The following PAFAH1B2 variants were observed in gnomAD, a reference collection of about 807,000 sequenced individuals.
PAFAH1B2 encodes platelet activating factor acetylhydrolase 1b catalytic subunit 2.
A neutral mutation model predicts 28.0 loss-of-function variants in PAFAH1B2; 8 were observed. That is an observed-to-expected ratio of 0.29 (90% CI 0.17 to 0.52). The LOEUF (loss-of-function observed/expected upper bound fraction) is 0.52, where lower values mean the gene tolerates loss of function less well. Ranked by LOEUF, PAFAH1B2 falls within the 20% of genes least tolerant of loss-of-function variation. The pLI, the probability that PAFAH1B2 is intolerant of heterozygous loss-of-function variation, is 0.97. For synonymous variants in PAFAH1B2, 104 were observed against 103.2 expected (o/e 1.01, Z -0.05); for missense variants, 190 against 282.6 (o/e 0.67, Z 2.35).
intron 2 of PAFAH1B2, among the ~76,000 whole-genome samples, chr11:117,156,418 G>A (rs1178444878): frequency 1.3e-5 from 2 of 152,178 alleles, no homozygotes; most frequent in East Asian, 3.8e-4. Context: ...GGACTGGAAA[G>A]TAGGTAAGCT....
intron 5 of PAFAH1B2, among the ~76,000 whole-genome samples, chr11:117,165,043 C>A (rs770972928): frequency 6.8e-6 from 1 of 146,638 alleles, no homozygotes; most frequent in Non-Finnish European, 1.5e-5. Context: ...GCAAGCTCGG[C>A]CTCCCAGGTT....
Position 117,169,090 on chromosome 11 carries a change from C to T in PAFAH1B2, c.*1391C>T, listed in dbSNP as rs2134221693. On this transcript the variant is annotated 3_prime_UTR_variant, in exon 6 of 6. Coordinates refer to ENST00000527958, the MANE Select transcript of PAFAH1B2 (RefSeq NM_002572.4). ...ACAGGCATGAGCCACCGTGCCTGGC[C>T]TTATTGGCTTAGTTTTTAAATTATC... 1 of 1,017,338 alleles carries T rather than the reference C, an allele frequency of 9.8e-7. No homozygotes were observed. The highest frequency in any genetic ancestry group is 1.2e-6 in the Non-Finnish European group (1 of 848,250). The allele number at this position is 1,017,338 out of a possible 1,614,324, so 63.0% of individuals were successfully genotyped here.
At chr11:117,175,755 G>A, downstream of PAFAH1B2, 2 of 1,065,964 alleles carry the variant, frequency 1.9e-6, no homozygotes, top group African/African-American at 1.6e-5. Context: ...ACAGGCGTAG[G>A]GTCACATCTT....
chr11:117,155,964 G>C (rs1400188789), intron 2 of PAFAH1B2, among the ~76,000 whole-genome samples: 1 of 152,128 alleles, frequency 6.6e-6, no homozygotes, highest in Non-Finnish European at 1.5e-5. Flanking sequence ...GCTGAGGCCA[G>C]TAGATTGTTT....
At chr11:117,146,339 C>T (rs1413242276) in intron 1 of PAFAH1B2, among the ~76,000 whole-genome samples, 1 of 151,918 alleles carries the variant, frequency 6.6e-6, no homozygotes, top group Non-Finnish European at 1.5e-5. Context: ...GTGATCCACC[C>T]GCCTCGGCCT....
chr11:117,145,574 G>T (rs191305464), intron 1 of PAFAH1B2, among the ~76,000 whole-genome samples: 2 of 152,184 alleles, frequency 1.3e-5, no homozygotes, highest in Non-Finnish European at 2.9e-5. Flanking sequence ...GCCTCCTTGT[G>T]GGGGAGAAGG....
intron 1 of PAFAH1B2, among the ~76,000 whole-genome samples, chr11:117,151,837 G>T (rs1437181662): frequency 1.3e-5 from 2 of 152,026 alleles, no homozygotes; most frequent in Admixed American, 6.6e-5. Flanking sequence ...CTCCCAAGTA[G>T]CTGGGACTAC....
intron 1 of PAFAH1B2, among the ~76,000 whole-genome samples, chr11:117,144,816 G>A (rs182737149): frequency 1.5e-3 from 224 of 151,948 alleles, no homozygotes; most frequent in African/African-American, 4.4e-3. Flanking sequence ...CGCCCCGGCT[G>A]GGCGCTGCAG....
downstream of PAFAH1B2, among the ~76,000 whole-genome samples, chr11:117,172,869 A>G (rs564473661): frequency 6.6e-6 from 1 of 152,142 alleles, no homozygotes; most frequent in Non-Finnish European, 1.5e-5. Context: ...ACGCCTGGCT[A>G]GTTTTTGTGT....
chr11:117,172,381 TATATATA>T (rs1956680718), downstream of PAFAH1B2, among the ~76,000 whole-genome samples: 6 of 5,460 alleles, frequency 1.1e-3, no homozygotes, highest in Admixed American at 7.4e-3. Flanking sequence ...TATATATATA[TATATATA>T]TATATATATA....
At chr11:117,164,057 A>T (rs1448330629) in intron 5 of PAFAH1B2, 165 bp downstream of exon 5, 7 of 652,964 alleles carry the variant, frequency 1.1e-5, no homozygotes, top group Non-Finnish European at 1.8e-5. Flanking sequence ...TACTGGTTTC[A>T]TCATTCCCCA....
chr11:117,169,375 A>G lies in PAFAH1B2; in HGVS notation c.*1676A>G, dbSNP rs73578684. ...CAAACTGGATCTATAGATATTTTGA[A>G]CTGGACCAGGTGGGTATTGAAGTAA... On this transcript the variant is annotated 3_prime_UTR_variant, in exon 6 of 6. Coordinates refer to ENST00000527958, the MANE Select transcript of PAFAH1B2 (RefSeq NM_002572.4). 4,392 of 1,051,318 alleles carry G rather than the reference A, an allele frequency of 4.2e-3. 140 individuals are homozygous for G. The African/African-American group carries it at 0.065, about 15-fold the overall frequency. 65.1% of individuals were successfully genotyped at this position (1,051,318 alleles called of 1,614,324 possible).
intron 1 of PAFAH1B2, among the ~76,000 whole-genome samples, chr11:117,148,700 A>G (rs10466591): frequency 0.015 from 2,268 of 152,172 alleles, 56 homozygotes; most frequent in African/African-American, 0.052. Flanking sequence ...AGGCAGGAGG[A>G]TCACTTAAGC....
At chr11:117,165,279 G>A (rs1278922062) in intron 5 of PAFAH1B2, among the ~76,000 whole-genome samples, 2 of 150,466 alleles carry the variant, frequency 1.3e-5, no homozygotes, top group Non-Finnish European at 2.9e-5. Flanking sequence ...AAACCTGGGA[G>A]GTGGAGGTTG....
At chr11:117,159,052 A>T (rs1346583702) in intron 2 of PAFAH1B2, among the ~76,000 whole-genome samples, 9 of 152,238 alleles carry the variant, frequency 5.9e-5, no homozygotes, top group Non-Finnish European at 1.2e-4. Context: ...ATGCACACAT[A>T]CATAGAAACA....
downstream of PAFAH1B2, chr11:117,174,955 G>T (rs1261505448): frequency 2.6e-6 from 4 of 1,511,356 alleles, no homozygotes; most frequent in Non-Finnish European, 3.5e-6. Flanking sequence ...GCCACCTGAA[G>T]CTTCCTCCCT....
chr11:117,158,144 GTAAAA>G (rs1329587209), intron 2 of PAFAH1B2, among the ~76,000 whole-genome samples: 1 of 152,090 alleles, frequency 6.6e-6, no homozygotes, highest in Non-Finnish European at 1.5e-5. Flanking sequence ...TCTCCAAAAA[GTAAAA>G]TAAAAAGTTT....
downstream of PAFAH1B2, among the ~76,000 whole-genome samples, chr11:117,177,312 T>G (rs1373478673): frequency 6.6e-6 from 1 of 152,164 alleles, no homozygotes; most frequent in Non-Finnish European, 1.5e-5. Context: ...CCACTCACAA[T>G]CCATTATTTT....
At chr11:117,159,866 C>G in intron 2 of PAFAH1B2, 68 bp from the exon 3 acceptor site, 1 of 1,149,998 alleles carries the variant, frequency 8.7e-7, no homozygotes, top group Non-Finnish European at 1.3e-6. Flanking sequence ...GTTGAGAGTT[C>G]AAGCATGGGC....
Sources: gnomAD v4.1 joint callset for allele counts (sites outside exome capture counted in the v4.1 genomes callset) on GRCh38, gnomAD v4.1.1 for gene constraint, MANE v1.5 for transcripts, NCBI Gene and HGNC (gene_info 2026-07-23, HGNC 2026-07-21) for gene names.